The following GABRG3 variants were observed in gnomAD, a reference collection of about 807,000 sequenced individuals.
GABRG3 encodes gamma-aminobutyric acid receptor subunit gamma-3.
A neutral mutation model predicts 48.8 loss-of-function variants in GABRG3; 25 were observed. The ratio of observed to expected loss-of-function variants is 0.51; its 90% confidence interval spans 0.37 to 0.72. The LOEUF (loss-of-function observed/expected upper bound fraction) is 0.72. Ranked by LOEUF, GABRG3 falls within the 30% of genes least tolerant of loss-of-function variation. The pLI, the probability that GABRG3 is intolerant of heterozygous loss-of-function variation, is 0.00. For synonymous variants in GABRG3, 227 were observed against 217.6 expected, an observed-to-expected ratio of 1.04 and a Z score of -0.38; for missense variants, 394 against 577.9, an observed-to-expected ratio of 0.68 and a Z score of 3.26.
chr15:27,307,727 A>ATT (rs1341451599), intron 3 of GABRG3, among the ~76,000 whole-genome samples: 6 of 126,134 alleles, frequency 4.8e-5, no homozygotes, highest in African/African-American at 1.9e-4. Context: ...GTTTATATAT[A>ATT]AATATATAAT....
intron 5 of GABRG3, among the ~76,000 whole-genome samples, chr15:27,454,465 T>A (rs1217714482): frequency 1.3e-5 from 2 of 152,120 alleles, no homozygotes; most frequent in East Asian, 1.9e-4. Context: ...GGTAGAAAGG[T>A]CATTGACCAC....
intron 3 of GABRG3, among the ~76,000 whole-genome samples, chr15:27,070,140 G>A (rs1217409493): frequency 1.3e-5 from 2 of 152,256 alleles, no homozygotes; most frequent in East Asian, 3.9e-4. Flanking sequence ...GACAGGGCAA[G>A]TGCCCAGATT....
intron 3 of GABRG3, among the ~76,000 whole-genome samples, chr15:27,199,148 C>T (rs17137663): frequency 4.0e-4 from 61 of 151,916 alleles, no homozygotes; most frequent in African/African-American, 1.2e-3. Flanking sequence ...CATATAAAAA[C>T]GAAAGAATTA....
intron 3 of GABRG3, among the ~76,000 whole-genome samples, chr15:27,118,924 T>C (rs1897686586): frequency 6.6e-6 from 1 of 152,184 alleles, no homozygotes; most frequent in South Asian, 2.1e-4. Context: ...CAGTACACAC[T>C]GCCCCAAAAT....
chr15:27,378,946 G>GT (rs66521575), intron 5 of GABRG3, among the ~76,000 whole-genome samples: 63,512 of 151,984 alleles, frequency 0.42, 14,455 homozygotes, highest in African/African-American at 0.6. Context: ...TGTTGTATGT[G>GT]TAGGAGAAGT....
intron 2 of GABRG3, among the ~76,000 whole-genome samples, chr15:26,989,801 G>C (rs994830051): frequency 1.3e-5 from 2 of 151,930 alleles, no homozygotes; most frequent in Non-Finnish European, 2.9e-5. Flanking sequence ...CCCAGCCTCT[G>C]ATAACCATCC....
rs1402863189 is a variant in GABRG3, at chr15:27,081,610, G to A, written c.270+54789G>A. ...TGGCCCCAAATGGATGTCACAGCAC[G>A]CAGTATGGATCACTGACTTACTCCA... On this transcript the variant is annotated intron_variant, in intron 3 of 9. Transcript: ENST00000615808. Among the ~76,000 whole-genome samples, 12 of 152,236 alleles carry A rather than the reference G, an allele frequency of 7.9e-5. No individual in the cohort carries two copies. In the South Asian group the frequency reaches 1.5e-3, roughly 18 times the overall value.
intron 3 of GABRG3, among the ~76,000 whole-genome samples, chr15:27,181,713 C>T (rs1405979306): frequency 6.6e-6 from 1 of 152,178 alleles, no homozygotes; most frequent in Non-Finnish European, 1.5e-5. Context: ...TGCATGTAAG[C>T]ATTCCTGTGA....
At chr15:27,380,915 G>T (rs1369729196) in intron 5 of GABRG3, among the ~76,000 whole-genome samples, 3 of 151,924 alleles carry the variant, frequency 2.0e-5, no homozygotes, top group African/African-American at 7.3e-5. Flanking sequence ...ACAGGCGCCT[G>T]CCACCATGCC....
chr15:27,082,179 A>G (rs1448648112), intron 3 of GABRG3, among the ~76,000 whole-genome samples: 1 of 152,168 alleles, frequency 6.6e-6, no homozygotes, highest in Non-Finnish European at 1.5e-5. Context: ...GATGACGGAG[A>G]GAGTCCTGTA....
chr15:27,139,266 G>GA (rs145876078), intron 3 of GABRG3, among the ~76,000 whole-genome samples: 266 of 152,260 alleles, frequency 1.7e-3, no homozygotes, highest in African/African-American at 6.0e-3. Context: ...CGGCTGGTTT[G>GA]GGGGGTGCAG....
At chr15:27,487,522 G>A (rs1890249227) in intron 6 of GABRG3, among the ~76,000 whole-genome samples, 2 of 152,130 alleles carry the variant, frequency 1.3e-5, no homozygotes, top group Non-Finnish European at 2.9e-5. Flanking sequence ...CTCATTCTGA[G>A]GCCAGTGGCT....
intron 6 of GABRG3, among the ~76,000 whole-genome samples, 190 bp from the exon 7 acceptor site, chr15:27,519,782 G>C (rs762914824): frequency 3.4e-4 from 51 of 152,112 alleles, no homozygotes; most frequent in Non-Finnish European, 6.3e-4. Flanking sequence ...TAAATGCCTG[G>C]TACAGCCATG....
chr15:27,063,535 C>T (rs1402474662), intron 3 of GABRG3, among the ~76,000 whole-genome samples: 1 of 152,214 alleles, frequency 6.6e-6, no homozygotes, highest in African/African-American at 2.4e-5. Context: ...TTGCTCTGCC[C>T]TGACCATGTG....
chr15:27,491,131 T>G (rs902687470), intron 6 of GABRG3, among the ~76,000 whole-genome samples: 12 of 152,344 alleles, frequency 7.9e-5, no homozygotes, highest in African/African-American at 2.9e-4. Flanking sequence ...CCTTCCTTGC[T>G]GTGCTACTGA....
rs111977884 is a variant in GABRG3 at position 27,083,280 on chromosome 15, C to A, written c.270+56459C>A. ...CTTTCATTCAGAAAGGAAGTGGCATCAAAATTTTAGTCATCTGAACCGACA... is the reference window on the plus strand; with the variant it reads ...CTTTCATTCAGAAAGGAAGTGGCATAAAAATTTTAGTCATCTGAACCGACA... On this transcript the variant is annotated intron_variant, in intron 3 of 9. Coordinates refer to ENST00000615808, the MANE Select transcript of GABRG3 (RefSeq NM_033223.5). 5.7e-3 allele frequency among the ~76,000 whole-genome samples: 861 copies of A among 150,716 alleles called. 16 individuals are homozygous for A. Among genetic ancestry groups the A allele is most frequent in the African/African-American group, 0.019 (800 of 41,032 alleles).
chr15:27,432,146 T>C (rs888524087), intron 5 of GABRG3, among the ~76,000 whole-genome samples: 1 of 152,226 alleles, frequency 6.6e-6, no homozygotes, highest in African/African-American at 2.4e-5. Flanking sequence ...TTTCTATATA[T>C]GTCTGTTAGG....
In GABRG3 at chr15:27,447,935, G is replaced by A. The variant is rs1888990817; in HGVS notation, c.575-32715G>A. ...TTGATGGGTGCAGCAAACCACCATG[G>A]CACGTGTATACCTATGTAGCAAACC... On this transcript the variant is annotated intron_variant, in intron 5 of 9. Transcript: ENST00000615808. This position sits in a 1 kb window ranked among gnomAD's most constrained non-coding sequence, Gnocchi z 4.0. Among the ~76,000 whole-genome samples, 1 of 152,088 alleles carries A rather than the reference G, an allele frequency of 6.6e-6. No homozygotes were observed. The highest frequency in any genetic ancestry group is 1.5e-5 in the Non-Finnish European group (1 of 68,026).
At position 27,328,908 on chromosome 15, in the gene GABRG3, C is replaced by T. The variant is rs776299542; in HGVS notation, c.574+20C>T. On this transcript the variant is annotated intron_variant, in intron 5 of 9. Transcript: ENST00000615808. ...CCAGCTGTGAGTACCAGTCCAAGCC[C>T]GGGGTGTGCATGCTGTGTGAGGGAT... 1.2e-4 allele frequency: 197 copies of T among 1,605,092 alleles called. 1 individual carries two copies. Among genetic ancestry groups the T allele is most frequent in the Middle Eastern group, 1.6e-4 (1 of 6,068 alleles).
Sources: allele counts gnomAD v4.1 joint callset (sites outside exome capture counted in the v4.1 genomes callset), GRCh38; gene constraint gnomAD v4.1.1; non-coding constraint Gnocchi (gnomAD v3.1); transcripts MANE v1.5; gene names NCBI Gene and HGNC (gene_info 2026-07-23, HGNC 2026-07-21).